FER: variants seen among roughly 807,000 people sequenced by gnomAD.
The protein encoded by FER is FER tyrosine kinase, also known as tyrosine-protein kinase Fer.
In FER, 63 loss-of-function variants were observed where a neutral mutation model predicts 111.0. The observed-to-expected ratio is 0.57, with a 90% CI of 0.46 to 0.70. FER has a LOEUF of 0.70. Ranked by LOEUF, FER falls within the 30% of genes least tolerant of loss-of-function variation. The pLI, the probability that FER is intolerant of heterozygous loss-of-function variation, is 0.00. For synonymous variants in FER, 327 were observed against 313.9 expected (o/e 1.04, Z -0.44); for missense variants, 914 against 954.0 (o/e 0.96, Z 0.55).
chr5:108,836,425 C>G (rs1760668038), intron 5 of FER, among the ~76,000 whole-genome samples: 1 of 152,026 alleles, frequency 6.6e-6, no homozygotes, highest in South Asian at 2.1e-4. Flanking sequence ...TGAACAGAAA[C>G]TTCTTTGGCT....
At chr5:108,826,182 G>T (rs898263989) in intron 3 of FER, among the ~76,000 whole-genome samples, 1 of 152,108 alleles carries the variant, frequency 6.6e-6, no homozygotes, top group Non-Finnish European at 1.5e-5. Flanking sequence ...ATATTGACAC[G>T]ATCACATGAA....
chr5:109,037,984 A>G (rs1038748162), intron 14 of FER, among the ~76,000 whole-genome samples: 8 of 151,866 alleles, frequency 5.3e-5, no homozygotes, highest in African/African-American at 1.9e-4. Context: ...TTGTTTCAAT[A>G]TAAATATTAA....
chr5:108,751,024 C>G (rs952016788), intron 1 of FER, among the ~76,000 whole-genome samples: 5 of 152,034 alleles, frequency 3.3e-5, no homozygotes, highest in African/African-American at 9.7e-5. Context: ...GAAACATGGT[C>G]TCTAATAAAA....
intron 11 of FER, among the ~76,000 whole-genome samples, chr5:108,948,778 T>C (rs1430677087): frequency 6.6e-6 from 1 of 152,104 alleles, no homozygotes; most frequent in African/African-American, 2.4e-5. Flanking sequence ...TGTTCCATCT[T>C]ACAGCCACTC....
intron 13 of FER, among the ~76,000 whole-genome samples, chr5:109,015,523 C>T (rs567238321): frequency 3.2e-4 from 48 of 151,948 alleles, no homozygotes; most frequent in African/African-American, 9.9e-4. Flanking sequence ...GTGACTGAGA[C>T]ATAGCCTTTT....
intron 13 of FER, among the ~76,000 whole-genome samples, chr5:109,003,415 A>G (rs959337740): frequency 2.0e-5 from 3 of 152,124 alleles, no homozygotes; most frequent in African/African-American, 7.2e-5. Flanking sequence ...GAATTGAACA[A>G]TGAGAACACA....
intron 5 of FER, among the ~76,000 whole-genome samples, chr5:108,839,957 C>T (rs1235613468): frequency 6.6e-6 from 1 of 152,076 alleles, no homozygotes; most frequent in African/African-American, 2.4e-5. Context: ...AAAAAAATAT[C>T]TACTCGTCCA....
intron 12 of FER, among the ~76,000 whole-genome samples, chr5:108,957,707 C>CA (rs1465624415): frequency 2.6e-5 from 4 of 151,478 alleles, no homozygotes; most frequent in East Asian, 3.9e-4. Context: ...AATCTGTGTC[C>CA]ATTAACATTT....
chr5:109,157,566 C>T (rs1390704656), intron 17 of FER, among the ~76,000 whole-genome samples: 1 of 151,828 alleles, frequency 6.6e-6, no homozygotes, highest in East Asian at 1.9e-4. Flanking sequence ...AATGAGTCTG[C>T]CTCTGTGCTC....
intron 2 of FER, among the ~76,000 whole-genome samples, chr5:108,782,019 G>A (rs916285142): frequency 6.6e-6 from 1 of 151,858 alleles, no homozygotes; most frequent in African/African-American, 2.4e-5. Context: ...TTATGACTGA[G>A]TCCCCCTGGC....
At chr5:108,986,919 C>A (rs944658182) in intron 13 of FER, among the ~76,000 whole-genome samples, 1 of 151,866 alleles carries the variant, frequency 6.6e-6, no homozygotes, top group African/African-American at 2.4e-5. Flanking sequence ...CTTGTTTTGT[C>A]AATGACGGTT....
rs1775490005 is a variant in FER, at chr5:109,069,256, A to C, written c.1924+22058A>C. Among the ~76,000 whole-genome samples the C allele has an allele frequency of 4.6e-5, 7 of 152,200 alleles. No individual in the cohort carries two copies. The South Asian group carries it at 1.4e-3, about 31-fold the overall frequency. On this transcript the variant is annotated intron_variant, in intron 16 of 19. Transcript: ENST00000281092. ...TAGAAAGGAATGTGTTTCTGAGGTG[A>C]GATATAAAAAATGCTTATTTGTAAT... is the stretch of plus-strand genomic sequence containing the variant.
chr5:109,039,124 A>G (rs1025824737), intron 14 of FER, among the ~76,000 whole-genome samples: 2 of 152,054 alleles, frequency 1.3e-5, no homozygotes, highest in Admixed American at 6.6e-5. Context: ...TTAAGAGTAC[A>G]TGGCTAATTA....
intron 10 of FER, among the ~76,000 whole-genome samples, chr5:108,928,915 CA>C (rs1388732797): frequency 6.6e-6 from 1 of 152,086 alleles, no homozygotes; most frequent in Non-Finnish European, 1.5e-5. Context: ...ATTTTAGCCA[CA>C]TAAGCCTTGG....
intron 5 of FER, among the ~76,000 whole-genome samples, chr5:108,856,951 A>G (rs558548843): frequency 3.1e-4 from 47 of 152,168 alleles, no homozygotes; most frequent in Non-Finnish European, 6.5e-4. Context: ...TTTAGATACA[A>G]TGAATATTCT....
intron 13 of FER, among the ~76,000 whole-genome samples, chr5:109,007,644 TACC>T (rs1274549736): frequency 6.6e-6 from 1 of 152,236 alleles, no homozygotes; most frequent in Admixed American, 6.5e-5. Context: ...CCTTGTGATG[TACC>T]ACCATTTGTT....
intron 3 of FER, chr5:108,819,781 G>T: frequency 9.1e-6 from 9 of 984,598 alleles, no homozygotes; most frequent in Non-Finnish European, 1.1e-5. Context: ...TTCAGAAGAA[G>T]GAAGTGTCTT....
At chr5:108,883,338 A>T in intron 8 of FER, 58 bp from the exon 9 acceptor site, 5 of 1,469,988 alleles carry the variant, frequency 3.4e-6, no homozygotes, top group Non-Finnish European at 3.7e-6. Context: ...TACTTTTTTG[A>T]TATGTATAAA....
intron 3 of FER, among the ~76,000 whole-genome samples, chr5:108,816,184 C>T (rs927498172): frequency 6.6e-6 from 1 of 151,952 alleles, no homozygotes; most frequent in South Asian, 2.1e-4. Context: ...TTGAGCTTAA[C>T]GTTAATTTTG....
Sources: gnomAD v4.1 joint callset for allele counts (sites outside exome capture counted in the v4.1 genomes callset) on GRCh38, gnomAD v4.1.1 for gene constraint, MANE v1.5 for transcripts, NCBI Gene and HGNC (gene_info 2026-07-23, HGNC 2026-07-21) for gene names.